The following IL31RA variants were observed in gnomAD, a reference collection of about 807,000 sequenced individuals.
The protein encoded by IL31RA is interleukin 31 receptor A.
In IL31RA, 66 loss-of-function variants were observed where a neutral mutation model predicts 83.7. The ratio of observed to expected loss-of-function variants is 0.79; its 90% confidence interval spans 0.65 to 0.97. IL31RA has a LOEUF of 0.97. Among genes scored for constraint, IL31RA ranks in the 50% least tolerant of loss-of-function variants. IL31RA has a pLI of 0.00. For synonymous variants in IL31RA, 325 were observed against 329.0 expected (o/e 0.99, Z 0.13); for missense variants, 798 against 919.4 (o/e 0.87, Z 1.71).
intron 11 of IL31RA, among the ~76,000 whole-genome samples, chr5:55,910,322 T>C (rs1749424746): frequency 6.6e-6 from 1 of 152,238 alleles, no homozygotes; most frequent in Non-Finnish European, 1.5e-5. Context: ...AGATTTATCC[T>C]ATGCTGTCTT....
intron 1 of IL31RA, among the ~76,000 whole-genome samples, chr5:55,855,735 G>A (rs1047993438): frequency 2.0e-5 from 3 of 152,210 alleles, no homozygotes; most frequent in Non-Finnish European, 2.9e-5. Flanking sequence ...AATGTGTAGC[G>A]TTTCCCAGCA....
chr5:55,899,671 T>A (rs1748686711), intron 7 of IL31RA, among the ~76,000 whole-genome samples: 1 of 152,192 alleles, frequency 6.6e-6, no homozygotes, highest in Non-Finnish European at 1.5e-5. Context: ...TTACATTGTT[T>A]TGGGCATTCT....
chr5:55,853,204 A>T, intron 1 of IL31RA: 1 of 532,586 alleles, frequency 1.9e-6, no homozygotes, highest in Non-Finnish European at 2.5e-6. Flanking sequence ...CCACATTTGT[A>T]AGGACTTCCT....
chr5:55,904,028 T>C (rs1169699310), intron 8 of IL31RA, among the ~76,000 whole-genome samples: 1 of 152,212 alleles, frequency 6.6e-6, no homozygotes, highest in East Asian at 1.9e-4. Context: ...ATCCAATCTC[T>C]GCTTCAGTCT....
chr5:55,913,369 C>A, intron 12 of IL31RA, 108 bp from the exon 13 acceptor site: 1 of 777,156 alleles, frequency 1.3e-6, no homozygotes, highest in Non-Finnish European at 2.3e-6. Flanking sequence ...TGAAAGAAAA[C>A]TAATAAGACA....
rs1307673617 is a variant in IL31RA, at chr5:55,890,037, C to T, written c.674C>T (p.Pro225Leu). 1.2e-6 allele frequency: 2 copies of T among 1,613,834 alleles called. No individual in the cohort carries two copies. The highest frequency in any genetic ancestry group is 2.2e-5 in the East Asian group (1 of 44,888). Residue 225 changes from proline to leucine, a missense_variant, in exon 6 of 15, where the codon CCT becomes CTT. Coordinates refer to ENST00000652347, the MANE Select transcript of IL31RA (RefSeq NM_139017.7). ...NQTYNLTGLQ[P>L]FTEYVIALRC... Reference sequence around the variant, plus strand: ...ACGTACAACCTCACGGGGCTGCAGCCTTTTACAGAATATGTCATAGCTCTG... The same window carrying T: ...ACGTACAACCTCACGGGGCTGCAGCTTTTTACAGAATATGTCATAGCTCTG...
chr5:55,884,759 C>A (rs1261445894), intron 5 of IL31RA, among the ~76,000 whole-genome samples: 6 of 152,174 alleles, frequency 3.9e-5, no homozygotes, highest in African/African-American at 1.4e-4. Flanking sequence ...CCAATTAAAT[C>A]TTTAAGACTT....
At chr5:55,855,291 G>A (rs1745288447) in intron 1 of IL31RA, among the ~76,000 whole-genome samples, 2 of 150,214 alleles carry the variant, frequency 1.3e-5, no homozygotes, top group Non-Finnish European at 3.0e-5. Flanking sequence ...CTACAGGTGT[G>A]CACCATGACA....
intron 1 of IL31RA, among the ~76,000 whole-genome samples, chr5:55,856,387 A>G (rs755235139): frequency 2.0e-5 from 3 of 152,196 alleles, no homozygotes; most frequent in Admixed American, 6.5e-5. Flanking sequence ...TTTGAAGACC[A>G]GTTATTCAAA....
intron 4 of IL31RA, among the ~76,000 whole-genome samples, chr5:55,874,780 T>C (rs1746734389): frequency 6.6e-6 from 1 of 152,150 alleles, no homozygotes; most frequent in African/African-American, 2.4e-5. Flanking sequence ...TTAGGTGGAT[T>C]CCTTAGGATT....
intron 4 of IL31RA, among the ~76,000 whole-genome samples, chr5:55,879,297 AAGAC>A (rs1747043754): frequency 6.6e-6 from 1 of 152,102 alleles, no homozygotes; most frequent in Admixed American, 6.6e-5. Flanking sequence ...AAGGGCAAGT[AAGAC>A]AGCCACAAAA....
chr5:55,851,712 G>C (rs1745082483), intron 1 of IL31RA, 79 bp downstream of exon 1: 1 of 1,613,000 alleles, frequency 6.2e-7, no homozygotes, highest in South Asian at 1.1e-5. Context: ...TGAGTAATGA[G>C]GGTTGATTTT....
chr5:55,850,946 T>A (rs1745038427), upstream of IL31RA, among the ~76,000 whole-genome samples: 1 of 151,958 alleles, frequency 6.6e-6, no homozygotes, highest in African/African-American at 2.4e-5. Flanking sequence ...CAAAATCAGC[T>A]GGGCTTGGTG....
chr5:55,863,048 A>G (rs1226226227), intron 2 of IL31RA, among the ~76,000 whole-genome samples: 2 of 152,222 alleles, frequency 1.3e-5, no homozygotes, highest in African/African-American at 4.8e-5. Context: ...GTTCTAGTAC[A>G]TACAGCCAAG....
intron 1 of IL31RA, among the ~76,000 whole-genome samples, chr5:55,853,820 T>C (rs1745200641): frequency 6.6e-6 from 1 of 152,166 alleles, no homozygotes; most frequent in African/African-American, 2.4e-5. Context: ...GGATTTATCT[T>C]TCAGGAAACT....
rs554996712 is a variant in IL31RA, at chr5:55,864,650, C to T, written c.155-4141C>T. ...CACAGACCACACGCACACACCAACA[C>T]GCTCCAGCGGACACACACTATATAT... On this transcript the variant is annotated intron_variant, in intron 2 of 14. Transcript: ENST00000652347. 1.2e-4 allele frequency among the ~76,000 whole-genome samples: 18 copies of T among 150,962 alleles called. No homozygotes were observed. The East Asian group carries it at 2.5e-3, about 21-fold the overall frequency.
In IL31RA at chr5:55,851,689, A is replaced by G. The variant is rs888600209; in HGVS notation, c.63+56A>G. On this transcript the variant is annotated intron_variant, in intron 1 of 14. Coordinates refer to ENST00000652347, the MANE Select transcript of IL31RA (RefSeq NM_139017.7). ...TTCCTAGCAAGTAGGTGAATTCACA[A>G]ATAAGGAAGCTGTGAGTAATGAGGG... The G allele has an allele frequency of 1.1e-5, 17 of 1,613,562 alleles. No individual in the cohort carries two copies. The African/African-American group carries it at 1.6e-4, about 15-fold the overall frequency.
chr5:55,908,757 C>A, intron 11 of IL31RA: 1 of 1,432,494 alleles, frequency 7.0e-7, no homozygotes, highest in South Asian at 1.5e-5. Context: ...AGGAACAGAC[C>A]CTGTCACCAT....
At chr5:55,915,590 G>A (rs1334646110) in intron 14 of IL31RA, among the ~76,000 whole-genome samples, 1 of 152,182 alleles carries the variant, frequency 6.6e-6, no homozygotes, top group East Asian at 1.9e-4. Flanking sequence ...GCTGTTTCCA[G>A]TTTTTCCTTG....
Sources: allele counts gnomAD v4.1 joint callset (sites outside exome capture counted in the v4.1 genomes callset), GRCh38; gene constraint gnomAD v4.1.1; transcripts MANE v1.5; gene names NCBI Gene and HGNC (gene_info 2026-07-23, HGNC 2026-07-21).